The following PUDP variants were observed in gnomAD, a reference collection of about 807,000 sequenced individuals.
PUDP encodes pseudouridine-5'-phosphatase.
PUDP carries 8 observed loss-of-function variants against 9.4 expected under a neutral mutation model. The observed-to-expected ratio is 0.85, with a 90% CI of 0.50 to 1.53. PUDP has a LOEUF of 1.53. Among genes scored for constraint, PUDP ranks in the 40% most tolerant of loss-of-function variants. PUDP has a pLI of 0.00. For missense variants in PUDP, 188 were observed against 189.7 expected, an observed-to-expected ratio of 0.99 and a Z score of 0.05; for synonymous variants, 99 against 80.7, an observed-to-expected ratio of 1.23 and a Z score of -1.22.
downstream of PUDP, among the ~76,000 whole-genome samples, chrX:7,048,190 TATC>T (rs1157461424): frequency 8.9e-6 from 1 of 112,451 alleles, no homozygotes; most frequent in Non-Finnish European, 1.9e-5. Flanking sequence ...TCTTGGATGA[TATC>T]AGCAGTATAA....
intron 3 of PUDP, among the ~76,000 whole-genome samples, chrX:6,945,621 T>A (rs1928453453): frequency 9.0e-6 from 1 of 111,237 alleles, no homozygotes; most frequent in African/African-American, 3.3e-5. Context: ...TTATGAAAAT[T>A]GCAAGAATGT....
chrX:7,005,340 AG>A (rs1247321633), intron 1 of PUDP, among the ~76,000 whole-genome samples: 3 of 111,142 alleles, frequency 2.7e-5, no homozygotes, highest in Non-Finnish European at 5.7e-5. Context: ...GAGTGAGGCA[AG>A]GGTGAGCAGT....
chrX:6,899,569 T>C (rs931140357), intron 3 of PUDP, among the ~76,000 whole-genome samples: 6 of 111,103 alleles, frequency 5.4e-5, no homozygotes, highest in South Asian at 3.8e-4. Flanking sequence ...CAAGACTTTG[T>C]CCCAAAAAAA....
intron 3 of PUDP, among the ~76,000 whole-genome samples, chrX:7,062,887 ATTTTTTTTTTTT>A (rs199914841): frequency 7.5e-5 from 6 of 79,718 alleles, no homozygotes; most frequent in African/African-American, 2.6e-4. Flanking sequence ...TGACTGCTTA[ATTTTTTTTTTTT>A]TTTTTTTTTT....
Position 6,790,565 on chromosome X carries a change from A to G in PUDP, c.*248-84099T>C, listed in dbSNP as rs142462343. Among the ~76,000 whole-genome samples the G allele has an allele frequency of 2.1e-3, 233 of 112,824 alleles. 1 individual carries two copies. The highest frequency in any genetic ancestry group is 7.2e-3 in the African/African-American group (224 of 31,134). On this transcript the variant is annotated intron_variant and NMD_transcript_variant, in intron 3 of 3. Transcript: ENST00000655425. ...TGAGTAATTTGGATTTTAGACAGGT[A>G]ATACATACATTTCAACATATGTTCT...
chrX:7,001,019 C>T (rs1435155899), intron 1 of PUDP, among the ~76,000 whole-genome samples: 5 of 108,914 alleles, frequency 4.6e-5, no homozygotes, highest in African/African-American at 1.7e-4. Context: ...GTTATCATTG[C>T]TTGCTTATTC....
chrX:7,145,774 G>A (rs894719692), intron 1 of PUDP, among the ~76,000 whole-genome samples: 1 of 111,026 alleles, frequency 9.0e-6, no homozygotes, highest in Non-Finnish European at 1.9e-5. Context: ...GAAACTATTC[G>A]TTTTCAATTT....
At chrX:6,807,455 C>A (rs1294113594) in intron 3 of PUDP, among the ~76,000 whole-genome samples, 1 of 112,528 alleles carries the variant, frequency 8.9e-6, no homozygotes, top group East Asian at 2.8e-4. Context: ...TTAGCTTCCC[C>A]TCTCGTACCA....
At chrX:6,790,843 T>C (rs997683117) in intron 3 of PUDP, among the ~76,000 whole-genome samples, 1 of 112,127 alleles carries the variant, frequency 8.9e-6, no homozygotes, top group Admixed American at 9.5e-5. Context: ...GGGACCTGAG[T>C]TACACACATG....
chrX:6,849,038 G>A (rs1214893593), intron 3 of PUDP, among the ~76,000 whole-genome samples: 5 of 110,937 alleles, frequency 4.5e-5, no homozygotes, highest in African/African-American at 1.6e-4. Flanking sequence ...GGATCAAACC[G>A]TGGAAGGCAC....
At chrX:6,987,713 G>C (rs995560733) in intron 1 of PUDP, among the ~76,000 whole-genome samples, 28 of 112,167 alleles carry the variant, frequency 2.5e-4, no homozygotes, top group African/African-American at 8.4e-4. Flanking sequence ...TTTTCCTGCT[G>C]CAGCTGCAGA....
chrX:6,992,640 G>A (rs772464772), intron 1 of PUDP, among the ~76,000 whole-genome samples: 17 of 110,921 alleles, frequency 1.5e-4, no homozygotes, highest in African/African-American at 4.9e-4. Context: ...GGAAGAACGT[G>A]AGACTTGATC....
intron 1 of PUDP, among the ~76,000 whole-genome samples, chrX:7,112,327 A>G (rs1468968276): frequency 8.9e-6 from 1 of 112,235 alleles, no homozygotes; most frequent in Admixed American, 9.4e-5. Context: ...AATACCTTTT[A>G]AAAATAACCT....
chrX:6,846,145 T>C (rs1273121448), intron 3 of PUDP, among the ~76,000 whole-genome samples: 2 of 111,390 alleles, frequency 1.8e-5, no homozygotes, highest in Admixed American at 9.5e-5. Flanking sequence ...TTTTGAAAAG[T>C]GTCAGTTTTC....
intron 3 of PUDP, among the ~76,000 whole-genome samples, chrX:6,745,378 T>C (rs937610212): frequency 8.9e-6 from 1 of 112,374 alleles, no homozygotes; most frequent in Non-Finnish European, 1.9e-5. Context: ...GCCAGTACTT[T>C]CTTTGAGGTA....
intron 1 of PUDP, among the ~76,000 whole-genome samples, chrX:6,991,456 T>C (rs1215859996): frequency 1.8e-5 from 2 of 110,726 alleles, no homozygotes; most frequent in Non-Finnish European, 3.8e-5. Flanking sequence ...GACAAGATGA[T>C]TGCTTGAGCC....
chrX:6,996,285 G>A (rs1304465252), intron 1 of PUDP, among the ~76,000 whole-genome samples: 1 of 111,501 alleles, frequency 9.0e-6, no homozygotes, highest in Non-Finnish European at 1.9e-5. Context: ...GAAACAAATA[G>A]TGGATTTCAC....
At chrX:6,786,793 A>G (rs545461704) in intron 3 of PUDP, among the ~76,000 whole-genome samples, 1 of 112,137 alleles carries the variant, frequency 8.9e-6, no homozygotes, top group South Asian at 3.7e-4. Flanking sequence ...TTTGTTCCAC[A>G]GTACCTTATA....
chrX:6,864,735 C>G (rs1378487472), intron 3 of PUDP, among the ~76,000 whole-genome samples: 9 of 111,766 alleles, frequency 8.1e-5, no homozygotes, highest in Non-Finnish European at 1.5e-4. Flanking sequence ...CTCCTTCCAT[C>G]TTTGAAGCCA....
Sources: allele counts gnomAD v4.1 joint callset (sites outside exome capture counted in the v4.1 genomes callset), GRCh38; gene constraint gnomAD v4.1.1; transcripts MANE v1.5; gene names NCBI Gene and HGNC (gene_info 2026-07-23, HGNC 2026-07-21).